Variants in HMSD observed in about 807,000 individuals in gnomAD.
HMSD encodes histocompatibility minor serpin domain containing.
Under a neutral mutation model 10.0 loss-of-function variants are expected in HMSD, and 13 were observed. The observed-to-expected ratio is 1.31, with a 90% CI of 0.85 to 2.08. HMSD has a LOEUF of 2.08. Ranked by LOEUF, HMSD falls within the 30% of genes most tolerant of loss-of-function variation. The pLI, the probability that HMSD is intolerant of heterozygous loss-of-function variation, is 0.00. For synonymous variants in HMSD, 51 were observed against 54.2 expected, an observed-to-expected ratio of 0.94 and a Z score of 0.26; for missense variants, 169 against 166.3, an observed-to-expected ratio of 1.02 and a Z score of -0.09.
chr18:63,967,892 G>A (rs1199496510), intron 3 of HMSD: 1 of 152,138 alleles, frequency 6.6e-6, no homozygotes, highest in African/African-American at 2.4e-5. Flanking sequence ...CTGAGAGATG[G>A]GTTTCCCTTC....
intron 1 of HMSD, among the ~76,000 whole-genome samples, chr18:63,950,944 A>T (rs149003105): frequency 6.6e-6 from 1 of 152,238 alleles, no homozygotes; most frequent in African/African-American, 2.4e-5. Context: ...TATTAAAATA[A>T]GCATTACCAT....
chr18:63,955,561 G>C (rs1307312966), intron 3 of HMSD, among the ~76,000 whole-genome samples: 1 of 152,098 alleles, frequency 6.6e-6, no homozygotes, highest in Non-Finnish European at 1.5e-5. Flanking sequence ...CATTCTGCAG[G>C]GGGTATTTAT....
chr18:63,954,511 G>A lies in HMSD; in HGVS notation c.176G>A (p.Arg59Lys). 6.2e-7 allele frequency: 1 copy of A among 1,613,570 alleles called. No individual in the cohort carries two copies. Among genetic ancestry groups the A allele is most frequent in the Middle Eastern group, 1.7e-4 (1 of 6,054 alleles). The change falls in exon 3 of 4, where the codon AGA (arginine) becomes AAA (lysine). Residue 59 changes from arginine (R) to lysine (K), a missense_variant. Transcript: ENST00000408945. The stretch of plus-strand genomic sequence containing the variant: ...AGAACTGACACTGAATATGTGCTTA[G>A]AACTGCCAACGGGCTCTTTGGAGAA... ...INRTDTEYVL[R>K]TANGLFGEKS...
intron 3 of HMSD, chr18:63,966,990 G>A (rs950226001): frequency 6.6e-6 from 1 of 152,164 alleles, no homozygotes; most frequent in African/African-American, 2.4e-5. Context: ...TTTGCTTTTT[G>A]TGTTTTTTTA....
At chr18:63,959,893 G>T (rs1307918239) in intron 3 of HMSD, among the ~76,000 whole-genome samples, 1 of 152,090 alleles carries the variant, frequency 6.6e-6, no homozygotes, top group South Asian at 2.1e-4. Context: ...TTATCTCATT[G>T]ATGGGTGTAC....
intron 3 of HMSD, among the ~76,000 whole-genome samples, chr18:63,956,623 G>T (rs529946783): frequency 6.6e-6 from 1 of 152,110 alleles, no homozygotes; most frequent in African/African-American, 2.4e-5. Flanking sequence ...ACTTCCATGC[G>T]GCTGGTGGGA....
rs370865724 is a variant in HMSD, at chr18:63,960,373, T to C, written c.*18T>C. The C allele has an allele frequency of 7.7e-6, 12 of 1,558,930 alleles. No individual in the cohort carries two copies. The South Asian group carries it at 9.6e-5, about 12-fold the overall frequency. On this transcript the variant is annotated 3_prime_UTR_variant, in exon 4 of 4. Coordinates refer to ENST00000408945, the MANE Select transcript of HMSD (RefSeq NM_001123366.2). ...AAATATAAAAAGGAGTCCTTTTTTC[T>C]CTAAACAACTATGCAAACATTAAAA... is the stretch of plus-strand genomic sequence containing the variant.
At chr18:63,957,867 C>T (rs1216461227) in intron 3 of HMSD, among the ~76,000 whole-genome samples, 1 of 152,132 alleles carries the variant, frequency 6.6e-6, no homozygotes, top group Non-Finnish European at 1.5e-5. Flanking sequence ...TTTCAAGAAT[C>T]CCATACCAAT....
downstream of HMSD, chr18:63,966,424 A>G (rs964794828): frequency 2.0e-5 from 3 of 152,256 alleles, no homozygotes; most frequent in Non-Finnish European, 4.4e-5. Context: ...AACTGAAAAG[A>G]GAATGTACTT....
intron 1 of HMSD, among the ~76,000 whole-genome samples, chr18:63,950,533 A>T (rs1346484787): frequency 1.3e-5 from 2 of 151,942 alleles, no homozygotes; most frequent in African/African-American, 4.8e-5. Context: ...GCTGTGTAGG[A>T]ATAGTGACTA....
chr18:63,957,433 T>C (rs2050364890), intron 3 of HMSD, among the ~76,000 whole-genome samples: 2 of 152,218 alleles, frequency 1.3e-5, no homozygotes, highest in South Asian at 4.1e-4. Context: ...TATGGGGTTG[T>C]ATGTCTTTTT....
intron 3 of HMSD, among the ~76,000 whole-genome samples, chr18:63,958,474 A>G (rs2050370405): frequency 6.6e-6 from 1 of 152,184 alleles, no homozygotes; most frequent in African/African-American, 2.4e-5. Flanking sequence ...TTGGGAAACA[A>G]TTCTATAATG....
chr18:63,952,120 C>T (rs1329821171), intron 1 of HMSD, among the ~76,000 whole-genome samples: 1 of 125,138 alleles, frequency 8.0e-6, no homozygotes, highest in Admixed American at 1.0e-4. Flanking sequence ...AGGGGAATAT[C>T]ACACTCTGGG....
At position 63,960,192 on chromosome 18, in the gene HMSD, C is replaced by G; in HGVS notation, c.257C>G (p.Ala86Gly). Residue 86 changes from alanine to glycine, a missense_variant, in exon 4 of 4, where the codon GCA (alanine) becomes GGA (glycine). Physicochemically the swap from Ala to Gly is moderately conservative, Grantham distance 60. Coordinates refer to ENST00000408945, the MANE Select transcript of HMSD (RefSeq NM_001123366.2). ...FTDSCGKFYQ[A>G]TIKQLDFVND... Reference sequence around the variant, plus strand: ...GATTCCTGTGGCAAATTCTACCAAGCAACGATAAAACAGCTAGACTTTGTG... The same window carrying G: ...GATTCCTGTGGCAAATTCTACCAAGGAACGATAAAACAGCTAGACTTTGTG... 1 of 1,612,560 alleles carries G rather than the reference C, an allele frequency of 6.2e-7. No homozygotes were observed. Among genetic ancestry groups the G allele is most frequent in the East Asian group, 2.2e-5 (1 of 44,824 alleles).
chr18:63,964,389 A>T (rs1191120483), downstream of HMSD, among the ~76,000 whole-genome samples: 1 of 152,006 alleles, frequency 6.6e-6, no homozygotes, highest in Non-Finnish European at 1.5e-5. Context: ...AAAACAAAAA[A>T]ATTAACTGGG....
At chr18:63,953,896 G>T (rs2144757436) in intron 2 of HMSD, among the ~76,000 whole-genome samples, 1 of 152,314 alleles carries the variant, frequency 6.6e-6, no homozygotes, top group African/African-American at 2.4e-5. Flanking sequence ...CACGGTAGCT[G>T]GGTTACAAGA....
In HMSD at chr18:63,960,158, G is replaced by A. The variant is rs1449157626; in HGVS notation, c.223G>A (p.Gly75Ser). The A allele has an allele frequency of 3.7e-6, 6 of 1,610,208 alleles. No homozygotes were observed. Among genetic ancestry groups the A allele is most frequent in the Non-Finnish European group, 5.1e-6 (6 of 1,179,056 alleles). ...AAATTATGTTTTTGGTTTTTCCTAG[G>A]GTTTTACAGATTCCTGTGGCAAATT... ...FGEKSYDFLT[G>S]FTDSCGKFYQ... Residue 75 changes from glycine (G) to serine (S), a missense_variant and splice_region_variant, in exon 4 of 4, where the codon GGT (glycine) becomes AGT (serine). Gly to Ser is a moderately conservative substitution (Grantham distance 56). Transcript: ENST00000408945.
At chr18:63,956,972 G>A (rs1011248716) in intron 3 of HMSD, among the ~76,000 whole-genome samples, 2 of 152,100 alleles carry the variant, frequency 1.3e-5, no homozygotes, top group Non-Finnish European at 2.9e-5. Flanking sequence ...TAATACGGGA[G>A]TAGGAAACCA....
chr18:63,953,269 T>G (rs1484507548), intron 1 of HMSD, 85 bp from the exon 2 acceptor site: 1 of 534,374 alleles, frequency 1.9e-6, no homozygotes, highest in Non-Finnish European at 3.4e-6. Context: ...CAAGTATCCA[T>G]TTAACTAGTA....
Sources: allele counts gnomAD v4.1 joint callset (sites outside exome capture counted in the v4.1 genomes callset), GRCh38; gene constraint gnomAD v4.1.1; transcripts MANE v1.5; gene names NCBI Gene and HGNC (gene_info 2026-07-23, HGNC 2026-07-21).